KIF6: variants seen among roughly 807,000 people sequenced by gnomAD.
KIF6 encodes kinesin-like protein KIF6.
KIF6 carries 106 observed loss-of-function variants against 112.7 expected under a neutral mutation model. That is an observed-to-expected ratio of 0.94 (90% CI 0.80 to 1.11). KIF6 has a LOEUF of 1.11. Ranked by LOEUF, KIF6 falls within the 50% of genes least tolerant of loss-of-function variation. The probability of loss-of-function intolerance (pLI) is 0.00; values close to 1 mark genes in which losing one functional copy is unlikely to be tolerated. For synonymous variants in KIF6, 339 were observed against 339.9 expected (o/e 1.00, Z 0.03); for missense variants, 929 against 964.0 (o/e 0.96, Z 0.48).
At chr6:39,639,273 C>T (rs903730432) in intron 4 of KIF6, among the ~76,000 whole-genome samples, 2 of 152,016 alleles carry the variant, frequency 1.3e-5, no homozygotes, top group Admixed American at 1.3e-4. Flanking sequence ...AAAGAAAGAT[C>T]TGCTTTGATA....
At chr6:39,539,917 T>G (rs1245308029) in intron 13 of KIF6, 86 bp downstream of exon 13, 1 of 946,408 alleles carries the variant, frequency 1.1e-6, no homozygotes, top group Non-Finnish European at 1.6e-6. Context: ...AAATTGAGCC[T>G]TCATCCTGAT....
At chr6:39,669,269 TCCC>T (rs1786665439) in intron 3 of KIF6, among the ~76,000 whole-genome samples, 1 of 152,128 alleles carries the variant, frequency 6.6e-6, no homozygotes, top group African/African-American at 2.4e-5. Flanking sequence ...TCATGCTACC[TCCC>T]CCAACACCAC....
chr6:39,362,841 C>T (rs563952170), intron 16 of KIF6, among the ~76,000 whole-genome samples: 1 of 152,314 alleles, frequency 6.6e-6, no homozygotes, highest in East Asian at 1.9e-4. Flanking sequence ...TAGCATTTCC[C>T]CATCCTCTGA....
At chr6:39,614,938 C>A (rs1249047341) in intron 5 of KIF6, among the ~76,000 whole-genome samples, 3 of 152,032 alleles carry the variant, frequency 2.0e-5, no homozygotes, top group African/African-American at 7.2e-5. Context: ...CCGACAGATT[C>A]TGGGGCTTAT....
intron 3 of KIF6, among the ~76,000 whole-genome samples, chr6:39,653,620 A>G (rs988143566): frequency 3.3e-5 from 5 of 152,200 alleles, no homozygotes; most frequent in African/African-American, 4.8e-5. Context: ...AAGGGATTGC[A>G]ACTTGTAATG....
At chr6:39,483,529 C>T (rs954055483) in intron 13 of KIF6, among the ~76,000 whole-genome samples, 1 of 152,186 alleles carries the variant, frequency 6.6e-6, no homozygotes, top group Non-Finnish European at 1.5e-5. Flanking sequence ...CAAGTTTTCT[C>T]TGTTAGCATT....
chr6:39,476,581 C>G (rs1269908621), intron 13 of KIF6, among the ~76,000 whole-genome samples: 1 of 152,088 alleles, frequency 6.6e-6, no homozygotes, highest in Non-Finnish European at 1.5e-5. Flanking sequence ...CCTGAGGAAC[C>G]CAGTGTGAGG....
chr6:39,482,575 A>T (rs1189229988), intron 13 of KIF6, among the ~76,000 whole-genome samples: 4 of 152,194 alleles, frequency 2.6e-5, no homozygotes, highest in African/African-American at 4.8e-5. Context: ...TCCCAAATAC[A>T]TGACACCTTG....
At chr6:39,452,259 G>C (rs80245877) in intron 13 of KIF6, among the ~76,000 whole-genome samples, 1,957 of 152,286 alleles carry the variant, frequency 0.013, 51 homozygotes, top group African/African-American at 0.044. Flanking sequence ...TAAGCTGCTA[G>C]GATGAAGAAG....
intron 13 of KIF6, among the ~76,000 whole-genome samples, chr6:39,486,365 T>G (rs1775114889): frequency 6.6e-6 from 1 of 152,122 alleles, no homozygotes; most frequent in Non-Finnish European, 1.5e-5. Context: ...CAGTTGTCCC[T>G]TCTAGAGCAC....
At chr6:39,337,216 T>TTTC (rs1464465486) in intron 22 of KIF6, among the ~76,000 whole-genome samples, 6 of 110,996 alleles carry the variant, frequency 5.4e-5, no homozygotes, top group African/African-American at 3.6e-4. Flanking sequence ...TCTTTCTTTC[T>TTTC]TTCTTTCTTT....
intron 13 of KIF6, among the ~76,000 whole-genome samples, chr6:39,512,110 A>C (rs1364024985): frequency 6.6e-6 from 1 of 152,224 alleles, no homozygotes; most frequent in Non-Finnish European, 1.5e-5. Context: ...TTTTTAAAAA[A>C]ATTGATAACC....
At chr6:39,465,924 A>C (rs543625112) in intron 13 of KIF6, among the ~76,000 whole-genome samples, 20 of 152,324 alleles carry the variant, frequency 1.3e-4, no homozygotes, top group Middle Eastern at 3.4e-3. Context: ...GGCAGCTAAA[A>C]TATTGCTGCC....
chr6:39,451,918 G>C (rs150426183), intron 13 of KIF6, among the ~76,000 whole-genome samples: 63 of 152,296 alleles, frequency 4.1e-4, no homozygotes, highest in African/African-American at 1.0e-3. Context: ...GTAGCTAGGA[G>C]AAAATGTCTT....
chr6:39,682,786 G>T (rs577316073), intron 3 of KIF6, among the ~76,000 whole-genome samples: 1 of 152,110 alleles, frequency 6.6e-6, no homozygotes, highest in Non-Finnish European at 1.5e-5. Context: ...CACCATGTTG[G>T]TCAGGCTGGT....
intron 13 of KIF6, among the ~76,000 whole-genome samples, chr6:39,503,906 T>A (rs1185493843): frequency 6.7e-6 from 1 of 148,638 alleles, no homozygotes; most frequent in African/African-American, 2.5e-5. Context: ...GAAAGATTCA[T>A]AACTGAATTC....
intron 9 of KIF6, 80 bp from the exon 10 acceptor site, chr6:39,578,239 A>G: frequency 3.4e-6 from 3 of 876,886 alleles, no homozygotes; most frequent in Non-Finnish European, 5.7e-6. Context: ...CAGCTCTTAA[A>G]ATTATGGACA....
chr6:39,401,063 G>T (rs1768662499), intron 15 of KIF6, among the ~76,000 whole-genome samples: 1 of 152,210 alleles, frequency 6.6e-6, no homozygotes, highest in African/African-American at 2.4e-5. Flanking sequence ...TAATACAATG[G>T]GTGAACAATG....
chr6:39,720,810 A>C lies in KIF6; in HGVS notation c.68T>G (p.Ile23Ser), dbSNP rs1490155515. 2 of 1,405,886 alleles carry C rather than the reference A, an allele frequency of 1.4e-6. No homozygotes were observed. Among genetic ancestry groups the C allele is most frequent in the Non-Finnish European group, 2.0e-6 (2 of 990,248 alleles). The allele number at this position is 1,405,886 out of a possible 1,614,324, so 87.1% of individuals were successfully genotyped here. A position where few individuals can be genotyped will look rare whatever the true frequency, so the allele number is the denominator to read the frequency against. The change falls in exon 2 of 23, where the codon ATT becomes AGT. Residue 23 changes from isoleucine (I) to serine (S), a missense_variant and splice_region_variant. Ile to Ser is a moderately radical substitution (Grantham distance 142). This residue lies in a region of KIF6 where 688 missense variants were observed against 662.7 expected (regional missense o/e 1.04). Transcript: ENST00000287152. The part of the protein sequence containing the change: ...KPPVRKHQQG[I>S]YSIDEDEKLI... Reference sequence around the variant, plus strand: ...TTTTTCATCTTCATCTATGGAATAAATCTGCAAATGTGAAGACAACAAATG... The same window carrying C: ...TTTTTCATCTTCATCTATGGAATAACTCTGCAAATGTGAAGACAACAAATG...
Sources: gnomAD v4.1 joint callset for allele counts (sites outside exome capture counted in the v4.1 genomes callset) on GRCh38, gnomAD v4.1.1 for gene constraint, gnomAD v4.1.1 regional missense constraint, MANE v1.5 for transcripts, NCBI Gene and HGNC (gene_info 2026-07-23, HGNC 2026-07-21) for gene names.